Variants in GPAM observed in about 807,000 individuals in gnomAD.
The protein encoded by GPAM is glycerol-3-phosphate acyltransferase 1, mitochondrial.
A neutral mutation model predicts 105.0 loss-of-function variants in GPAM; 56 were observed. The ratio of observed to expected loss-of-function variants is 0.53; its 90% CI spans 0.43 to 0.67. The LOEUF is 0.67. Among genes scored for constraint, GPAM ranks in the 30% least tolerant of loss-of-function variants. The probability of loss-of-function intolerance (pLI) is 0.00; values close to 1 mark genes in which losing one functional copy is unlikely to be tolerated. For missense variants in GPAM, 855 were observed against 989.8 expected, an observed-to-expected ratio of 0.86 and a Z score of 1.83; for synonymous variants, 368 against 354.4, an observed-to-expected ratio of 1.04 and a Z score of -0.43.
chr10:112,212,272 C>CT (rs889323214), intron 1 of GPAM, among the ~76,000 whole-genome samples: 5 of 151,398 alleles, frequency 3.3e-5, no homozygotes, highest in Admixed American at 2.0e-4. Context: ...TTCGCTGTTA[C>CT]TTTTTTTTTA....
upstream of GPAM, among the ~76,000 whole-genome samples, chr10:112,219,356 C>A (rs1311316928): frequency 6.6e-6 from 1 of 152,154 alleles, no homozygotes; most frequent in Non-Finnish European, 1.5e-5. Flanking sequence ...GTGCAAAGTG[C>A]TTTCACCTGG....
At chr10:112,181,034 A>T (rs1184826525) in intron 3 of GPAM, among the ~76,000 whole-genome samples, 1 of 152,186 alleles carries the variant, frequency 6.6e-6, no homozygotes, top group Non-Finnish European at 1.5e-5. Flanking sequence ...ACATTCCTTT[A>T]TCTTATCAAG....
chr10:112,162,095 T>C (rs960298020), intron 14 of GPAM, among the ~76,000 whole-genome samples: 1 of 152,224 alleles, frequency 6.6e-6, no homozygotes, highest in East Asian at 1.9e-4. Context: ...ATTCCTTTAC[T>C]TGCTCCCACC....
At chr10:112,173,101 A>C in intron 7 of GPAM, 35 bp from the exon 8 acceptor site, 2 of 1,156,914 alleles carry the variant, frequency 1.7e-6, no homozygotes, top group Non-Finnish European at 2.6e-6. Flanking sequence ...AACAACATAA[A>C]TGAACACACG....
At chr10:112,179,732 G>A (rs2133265397) in intron 4 of GPAM, among the ~76,000 whole-genome samples, 1 of 152,298 alleles carries the variant, frequency 6.6e-6, no homozygotes. Context: ...TTAAACGGCA[G>A]AATTTCTTCA....
Position 112,151,862 on chromosome 10 carries a change from G to T in GPAM, c.*1688C>A. The stretch of plus-strand genomic sequence containing the variant: ...TCTACCCTAGTCAGTAAAATGGAAT[G>T]CTAAAACATGATATCTCATTCAACA... On this transcript the variant is annotated 3_prime_UTR_variant, in exon 22 of 22. Transcript: ENST00000348367. 1.0e-6 allele frequency: 1 copy of T among 984,480 alleles called. No individual in the cohort carries two copies. Among genetic ancestry groups the T allele is most frequent in the Non-Finnish European group, 1.2e-6 (1 of 829,106 alleles). The allele number at this position is 984,480 out of a possible 1,614,324, so 61.0% of individuals were successfully genotyped here.
At chr10:112,169,390 A>G (rs1272956728) in intron 9 of GPAM, among the ~76,000 whole-genome samples, 1 of 152,186 alleles carries the variant, frequency 6.6e-6, no homozygotes, top group Non-Finnish European at 1.5e-5. Context: ...CTTGGGGGAA[A>G]TTTTCTCAAA....
the GPAM span, among the ~76,000 whole-genome samples, chr10:112,224,829 A>T: frequency 1.3e-5 from 2 of 152,150 alleles, no homozygotes; most frequent in African/African-American, 4.8e-5. Context: ...GAATCAGATG[A>T]CAGCCATGGA....
intron 1 of GPAM, among the ~76,000 whole-genome samples, chr10:112,193,059 CATGG>C (rs1847680806): frequency 6.6e-6 from 1 of 152,242 alleles, no homozygotes; most frequent in Non-Finnish European, 1.5e-5. Context: ...CTGTGTCAGT[CATGG>C]CGCCATCAGA....
upstream of GPAM, among the ~76,000 whole-genome samples, chr10:112,218,027 AGAAAGAC>A (rs1847987963): frequency 6.6e-6 from 1 of 152,278 alleles, no homozygotes; most frequent in South Asian, 2.1e-4. Context: ...CCTAAGGCTC[AGAAAGAC>A]TGAATATCTT....
At chr10:112,186,909 G>T (rs1443771702), upstream of GPAM, among the ~76,000 whole-genome samples, 1 of 152,180 alleles carries the variant, frequency 6.6e-6, no homozygotes, top group African/African-American at 2.4e-5. Context: ...ATTTTGTGGG[G>T]TTTATAACAT....
At chr10:112,168,999 A>C in intron 9 of GPAM, 47 bp from the exon 10 acceptor site, 1 of 1,186,922 alleles carries the variant, frequency 8.4e-7, no homozygotes, top group Non-Finnish European at 1.3e-6. Flanking sequence ...AAATGTAAAA[A>C]GAATACTCAC....
chr10:112,225,216 A>G, the GPAM span, among the ~76,000 whole-genome samples: 3 of 152,088 alleles, frequency 2.0e-5, no homozygotes, highest in Non-Finnish European at 4.4e-5. Context: ...TTCCCTCACC[A>G]CACACACAAG....
intron 14 of GPAM, among the ~76,000 whole-genome samples, chr10:112,163,150 T>A (rs1209573447): frequency 3.9e-5 from 6 of 152,204 alleles, no homozygotes; most frequent in Admixed American, 3.9e-4. Flanking sequence ...AGAAGACTGG[T>A]CCTGCAGTGA....
intron 11 of GPAM, among the ~76,000 whole-genome samples, 172 bp downstream of exon 11, chr10:112,168,140 A>T (rs1847250170): frequency 6.6e-6 from 1 of 152,220 alleles, no homozygotes; most frequent in Non-Finnish European, 1.5e-5. Flanking sequence ...CAATCAAGTT[A>T]AAGATAGGGC....
At chr10:112,180,967 C>T (rs1034302905) in intron 3 of GPAM, among the ~76,000 whole-genome samples, 2 of 152,116 alleles carry the variant, frequency 1.3e-5, no homozygotes, top group African/African-American at 4.8e-5. Flanking sequence ...AAAGGCCTTA[C>T]ATAGTGAGCA....
intron 1 of GPAM, among the ~76,000 whole-genome samples, chr10:112,188,980 C>T (rs1350475956): frequency 6.6e-6 from 1 of 152,308 alleles, no homozygotes; most frequent in East Asian, 1.9e-4. Flanking sequence ...CAGAGGCTCC[C>T]TTTCAGACTG....
chr10:112,166,303 G>A (rs2133242808), intron 12 of GPAM, 99 bp downstream of exon 12: 1 of 769,758 alleles, frequency 1.3e-6, no homozygotes. Context: ...GCAAACTGCA[G>A]CCCCAAGTCA....
At chr10:112,177,865 G>GA (rs1400862458) in intron 5 of GPAM, 119 bp downstream of exon 5, 1 of 650,814 alleles carries the variant, frequency 1.5e-6, no homozygotes, top group Non-Finnish European at 2.8e-6. Flanking sequence ...TCTTGTGTCA[G>GA]AAACTCATAT....
Sources: gnomAD v4.1 joint callset for allele counts (sites outside exome capture counted in the v4.1 genomes callset) on GRCh38, gnomAD v4.1.1 for gene constraint, MANE v1.5 for transcripts, NCBI Gene and HGNC (gene_info 2026-07-23, HGNC 2026-07-21) for gene names.